The following MYL1 variants were observed in gnomAD, a reference collection of about 807,000 sequenced individuals.
The protein encoded by MYL1 is myosin light chain 1.
MYL1 carries 16 observed loss-of-function variants against 21.8 expected under a neutral mutation model. That is an observed-to-expected ratio of 0.74 (90% CI 0.50 to 1.12). The LOEUF (loss-of-function observed/expected upper bound fraction) is 1.12. Among genes scored for constraint, MYL1 ranks in the 50% most tolerant of loss-of-function variants. The probability of loss-of-function intolerance (pLI) is 0.00; values close to 1 mark genes in which losing one functional copy is unlikely to be tolerated. For missense variants in MYL1, 246 were observed against 241.0 expected (o/e 1.02, Z -0.14); for synonymous variants, 99 against 85.2 (o/e 1.16, Z -0.89).
At chr2:210,295,109 T>C (rs1299078948) in intron 3 of MYL1, among the ~76,000 whole-genome samples, 1 of 152,124 alleles carries the variant, frequency 6.6e-6, no homozygotes, top group Non-Finnish European at 1.5e-5. Context: ...TCATGGAAAA[T>C]CTGGACAGTC....
At chr2:210,297,511 A>T (rs1478519848) in intron 3 of MYL1, among the ~76,000 whole-genome samples, 1 of 143,648 alleles carries the variant, frequency 7.0e-6, no homozygotes, top group Non-Finnish European at 1.5e-5. Context: ...TTATTGGATT[A>T]TTCGTGGGTT....
In MYL1 at chr2:210,298,513, T is replaced by C; in HGVS notation, c.211A>G (p.Thr71Ala). ...AGGACATCACCGACCTGGCTTAAGG[T>C]GATCTTGGAATCACCTGTTCTGTCA... ...LFDRTGDSKI[T>A]LSQVGDVLRA... The change falls in exon 3 of 7, where the codon ACC becomes GCC. Residue 71 changes from threonine (T) to alanine (A), a missense_variant. Physicochemically the swap from Thr to Ala is moderately conservative, Grantham distance 58. Transcript: ENST00000352451. 6.2e-7 allele frequency: 1 copy of C among 1,614,056 alleles called. No individual in the cohort carries two copies. The highest frequency in any genetic ancestry group is 8.5e-7 in the Non-Finnish European group (1 of 1,179,968).
intron 5 of MYL1, among the ~76,000 whole-genome samples, chr2:210,292,911 C>T (rs1018557520): frequency 6.6e-6 from 1 of 152,036 alleles, no homozygotes; most frequent in East Asian, 1.9e-4. Flanking sequence ...GAAGAATTGT[C>T]GACGGGGAAA....
intron 1 of MYL1, among the ~76,000 whole-genome samples, chr2:210,313,412 T>C (rs1690445814): frequency 6.6e-6 from 1 of 152,014 alleles, no homozygotes. Context: ...TCACTTATTG[T>C]GTAATGTAGA....
rs1246541752 is a variant in MYL1, at chr2:210,306,060, C to CA, written c.133-3546dup. ...GGGCAGCAAGAATGAAACTCCCTCA[C>CA]AAAAAAAAAATAAATTAAAAAAATG... On this transcript the variant is annotated intron_variant, in intron 1 of 6. Transcript: ENST00000352451. Among the ~76,000 whole-genome samples the CA allele has an allele frequency of 4.3e-3, 490 of 113,918 alleles. 6 individuals carry two copies. Among genetic ancestry groups the CA allele is most frequent in the Admixed American group, 4.2e-3 (42 of 9,938 alleles). 74.7% of individuals were successfully genotyped at this position (113,918 alleles called of 152,430 possible).
At chr2:210,291,217 G>A in intron 5 of MYL1, 143 bp from the exon 6 acceptor site, 2 of 635,880 alleles carry the variant, frequency 3.1e-6, no homozygotes, top group South Asian at 2.3e-5. Flanking sequence ...GGTGTGTATA[G>A]CTCATAATTC....
chr2:210,300,733 T>C (rs1448889136), intron 2 of MYL1, among the ~76,000 whole-genome samples: 1 of 152,144 alleles, frequency 6.6e-6, no homozygotes, highest in Non-Finnish European at 1.5e-5. Context: ...AAAGTTTAAA[T>C]AGCCACATGT....
At chr2:210,302,806 G>A (rs1690284670) in intron 1 of MYL1, 8 of 1,556,746 alleles carry the variant, frequency 5.1e-6, no homozygotes, top group Non-Finnish European at 7.0e-6. Flanking sequence ...CAGTGGCGAA[G>A]AAGAGAAAGA....
At chr2:210,313,504 G>A (rs918337111) in intron 1 of MYL1, among the ~76,000 whole-genome samples, 1 of 152,076 alleles carries the variant, frequency 6.6e-6, no homozygotes, top group Middle Eastern at 3.4e-3. Context: ...CTGTATGCAT[G>A]CAGTCCTCAA....
chr2:210,313,825 T>C (rs983912892), intron 1 of MYL1, among the ~76,000 whole-genome samples: 4 of 152,114 alleles, frequency 2.6e-5, no homozygotes, highest in African/African-American at 9.6e-5. Context: ...ATGAAATGTT[T>C]GTTTATGGGT....
chr2:210,310,127 G>T (rs1274644083), intron 1 of MYL1, among the ~76,000 whole-genome samples: 1 of 152,002 alleles, frequency 6.6e-6, no homozygotes, highest in Non-Finnish European at 1.5e-5. Context: ...GATTAATATT[G>T]CAATTGGCTA....
At chr2:210,311,610 T>C (rs943016291) in intron 1 of MYL1, among the ~76,000 whole-genome samples, 4 of 152,200 alleles carry the variant, frequency 2.6e-5, no homozygotes, top group Middle Eastern at 6.8e-3. Flanking sequence ...TGACATATAA[T>C]GCATGCATCA....
At chr2:210,299,551 G>A (rs139011547) in intron 2 of MYL1, among the ~76,000 whole-genome samples, 1 of 151,996 alleles carries the variant, frequency 6.6e-6, no homozygotes, top group Non-Finnish European at 1.5e-5. Context: ...ATTTTAAAGT[G>A]TTCTCTATTC....
At chr2:210,298,343 C>CACACACACATACT in intron 3 of MYL1, 77 bp downstream of exon 3, 2 of 928,814 alleles carry the variant, frequency 2.2e-6, no homozygotes, top group South Asian at 1.9e-5. Context: ...ACATACTACA[C>CACACACACATACT]ACACACACAC....
chr2:210,303,828 C>A (rs1046907185), intron 1 of MYL1, among the ~76,000 whole-genome samples: 2 of 152,114 alleles, frequency 1.3e-5, no homozygotes, highest in Non-Finnish European at 2.9e-5. Context: ...CCTGCCGGTA[C>A]TTTTATGGTC....
chr2:210,303,648 T>A (rs1690297960), intron 1 of MYL1: 1 of 1,540,214 alleles, frequency 6.5e-7, no homozygotes, highest in Non-Finnish European at 8.8e-7. Flanking sequence ...TCCTTTTATT[T>A]CTGGGCAAGC....
rs1031725069 is a variant in MYL1 at position 210,314,970 on chromosome 2, C to T, written c.73G>A (p.Ala25Thr). The change falls in exon 1 of 7, where the codon GCA becomes ACA. Residue 25 changes from alanine (A) to threonine (T), a missense_variant. Ala to Thr is a moderately conservative substitution (Grantham distance 58). Coordinates refer to ENST00000352451, the MANE Select transcript of MYL1 (RefSeq NM_079420.3). Reference protein sequence around the residue: ...AAAPAPAPAPAPAPAPAKPKE... With the variant: ...AAAPAPAPAPTPAPAPAKPKE... Reference sequence around the variant, plus strand: ...GGTTTGGCTGGGGCAGGGGCAGGTGCAGGTGCCGGTGCCGGGGCTGGGGCA... The same window carrying T: ...GGTTTGGCTGGGGCAGGGGCAGGTGTAGGTGCCGGTGCCGGGGCTGGGGCA... 3 of 1,612,988 alleles carry T rather than the reference C, an allele frequency of 1.9e-6. No individual in the cohort carries two copies. Among genetic ancestry groups the T allele is most frequent in the Admixed American group, 3.3e-5 (2 of 59,858 alleles).
At position 210,298,479 on chromosome 2, in the gene MYL1, A is replaced by C. The variant is rs1313941195; in HGVS notation, c.245T>G (p.Leu82Arg). 1.9e-6 allele frequency: 3 copies of C among 1,614,080 alleles called. No homozygotes were observed. The highest frequency in any genetic ancestry group is 2.5e-6 in the Non-Finnish European group (3 of 1,180,012). The change falls in exon 3 of 7, where the codon CTG becomes CGG. Residue 82 changes from leucine (L) to arginine (R), a missense_variant. By Grantham distance (102) the Leu-to-Arg change is moderately radical. Transcript: ENST00000352451. The stretch of plus-strand genomic sequence containing the variant: ...CTCTGCATTGGTGGGATTTGTGCCC[A>C]GAGCTCGAAGGACATCACCGACCTG... The part of the protein sequence containing the change: ...LSQVGDVLRA[L>R]GTNPTNAEVR...
At chr2:210,302,815 G>A (rs201871623) in intron 1 of MYL1, 27 of 1,551,496 alleles carry the variant, frequency 1.7e-5, no homozygotes, top group Non-Finnish European at 2.3e-5. Flanking sequence ...AGAAGAGAAA[G>A]AAAGAAAAAA....
Sources: gnomAD v4.1 joint callset for allele counts (sites outside exome capture counted in the v4.1 genomes callset) on GRCh38, gnomAD v4.1.1 for gene constraint, MANE v1.5 for transcripts, NCBI Gene and HGNC (gene_info 2026-07-23, HGNC 2026-07-21) for gene names.